NUDCD1: variants seen among roughly 807,000 people sequenced by gnomAD.
NUDCD1 encodes the protein NudC domain containing 1.
Under a neutral mutation model 67.8 loss-of-function variants are expected in NUDCD1, and 60 were observed. The observed-to-expected ratio is 0.88, with a 90% confidence interval of 0.72 to 1.10. NUDCD1 has a LOEUF of 1.10. Ranked by LOEUF, NUDCD1 falls within the 50% of genes least tolerant of loss-of-function variation. The pLI, the probability that NUDCD1 is intolerant of heterozygous loss-of-function variation, is 0.00. For missense variants in NUDCD1, 643 were observed against 695.0 expected (o/e 0.93, Z 0.84); for synonymous variants, 244 against 230.8 (o/e 1.06, Z -0.52).
intron 2 of NUDCD1, among the ~76,000 whole-genome samples, chr8:109,304,914 C>A (rs1313203965): frequency 6.6e-6 from 1 of 152,202 alleles, no homozygotes; most frequent in Non-Finnish European, 1.5e-5. Context: ...CCACACAAGA[C>A]AAATGGTTCT....
chr8:109,245,594 T>C (rs1034107029), intron 8 of NUDCD1, 113 bp from the exon 9 acceptor site: 13 of 718,910 alleles, frequency 1.8e-5, no homozygotes, highest in African/African-American at 1.4e-4. Flanking sequence ...TTATACTTTT[T>C]ATATACTTAA....
At chr8:109,281,466 CCT>C (rs1201532923) in intron 5 of NUDCD1, among the ~76,000 whole-genome samples, 2 of 152,018 alleles carry the variant, frequency 1.3e-5, no homozygotes, top group Non-Finnish European at 2.9e-5. Context: ...TCCCTTCCTC[CCT>C]CTTTCACTCC....
Position 109,331,329 on chromosome 8 carries a change from C to CA in NUDCD1, c.118+2563dup, listed in dbSNP as rs1172389380. ...AGCCTCAACGACAGAGACTCCGTCT[C>CA]AAAAAACAAAACAAAAACAAAAAGA... On this transcript the variant is annotated intron_variant, in intron 1 of 9. Transcript: ENST00000239690. 3.3e-5 allele frequency among the ~76,000 whole-genome samples: 5 copies of CA among 151,542 alleles called. 1 individual carries two copies. The highest frequency in any genetic ancestry group is 2.6e-4 in the Admixed American group (4 of 15,244).
chr8:109,241,952 G>A lies in NUDCD1; in HGVS notation c.*1057C>T, dbSNP rs1447935288. On this transcript the variant is annotated 3_prime_UTR_variant, in exon 10 of 10. Transcript: ENST00000239690. ...ATACATACTAAAACAAACCTGGAAA[G>A]GTAAGTTTGAAAAAACAAAATTTGT... is the stretch of plus-strand genomic sequence containing the variant. 2.5e-6 allele frequency: 1 copy of A among 396,062 alleles called. No individual in the cohort carries two copies. Among genetic ancestry groups the A allele is most frequent in the African/African-American group, 2.1e-5 (1 of 48,454 alleles). 24.5% of individuals were successfully genotyped at this position (396,062 alleles called of 1,614,324 possible).
In NUDCD1 at chr8:109,293,468, C is replaced by A; in HGVS notation, c.516G>T (p.Leu172=). ...CTATAGAATGTTCTTCAGCATTTAG[C>A]AGTGAGATACTGTGAATTATAATAA... ...DPFIIIHSIS[L]LNAEEHSIAT... Residue 172 remains leucine (L), a synonymous_variant, in exon 4 of 10, where the codon CTG becomes CTT. Transcript: ENST00000239690. The A allele has an allele frequency of 6.3e-7, 1 of 1,584,300 alleles. No individual in the cohort carries two copies. Among genetic ancestry groups the A allele is most frequent in the Admixed American group, 1.8e-5 (1 of 54,926 alleles).
chr8:109,270,075 G>GCT (rs1814104357), intron 8 of NUDCD1, among the ~76,000 whole-genome samples: 3 of 84,164 alleles, frequency 3.6e-5, no homozygotes, highest in Non-Finnish European at 5.1e-5. Flanking sequence ...GGCGGGGGGG[G>GCT]GGGGGGGTGC....
intron 8 of NUDCD1, among the ~76,000 whole-genome samples, chr8:109,247,710 T>C (rs1001112566): frequency 2.6e-5 from 4 of 152,194 alleles, no homozygotes; most frequent in Admixed American, 1.3e-4. Context: ...TTCCCACTTA[T>C]CCTCTAAGAC....
At chr8:109,263,072 A>AAAAAG (rs1813907973) in intron 8 of NUDCD1, among the ~76,000 whole-genome samples, 2 of 150,188 alleles carry the variant, frequency 1.3e-5, no homozygotes, top group African/African-American at 4.9e-5. Context: ...AAAAAAAAAA[A>AAAAAG]AAAAAAACCC....
chr8:109,281,626 G>A (rs2129987045), intron 5 of NUDCD1, among the ~76,000 whole-genome samples: 1 of 152,318 alleles, frequency 6.6e-6, no homozygotes, highest in Non-Finnish European at 1.5e-5. Flanking sequence ...ATGGGAGGAT[G>A]TGCAAAATCA....
intron 8 of NUDCD1, among the ~76,000 whole-genome samples, chr8:109,256,716 C>T (rs1008253066): frequency 3.3e-5 from 5 of 151,836 alleles, no homozygotes; most frequent in Admixed American, 1.3e-4. Context: ...AAATATCGCA[C>T]CACAAGAAAA....
At chr8:109,248,558 A>T (rs1040914809) in intron 8 of NUDCD1, among the ~76,000 whole-genome samples, 3 of 152,164 alleles carry the variant, frequency 2.0e-5, no homozygotes, top group African/African-American at 7.2e-5. Context: ...AAGATTCTGT[A>T]AGGCAAAAAT....
At chr8:109,283,514 GA>G (rs1814504307) in intron 5 of NUDCD1, among the ~76,000 whole-genome samples, 2 of 152,144 alleles carry the variant, frequency 1.3e-5, no homozygotes, top group South Asian at 4.2e-4. Flanking sequence ...CAACACTAAA[GA>G]AAAAACCTTA....
intron 8 of NUDCD1, among the ~76,000 whole-genome samples, chr8:109,263,700 T>C (rs190800543): frequency 5.9e-5 from 9 of 152,260 alleles, no homozygotes; most frequent in African/African-American, 1.4e-4. Context: ...AAGTATGATA[T>C]GCAGAACCCT....
rs752182072 is a variant in NUDCD1 at position 109,243,129 on chromosome 8, C to T, written c.1632G>A (p.Lys544=). ...TGGTTTCTAGGCTTGCTACTTGCTG[C>T]TTAGCAACCTGTCCTACTTGCCTGC... ...KEGRQVGQVA[K]QQVASLETND... is the part of the protein sequence containing the mutation. The change falls in exon 10 of 10, where the codon AAG becomes AAA. Residue 544 remains lysine, a synonymous_variant. Transcript: ENST00000239690. 4.3e-6 allele frequency: 7 copies of T among 1,613,770 alleles called. No homozygotes were observed. Among genetic ancestry groups the T allele is most frequent in the Non-Finnish European group, 5.9e-6 (7 of 1,179,844 alleles).
intron 8 of NUDCD1, among the ~76,000 whole-genome samples, chr8:109,248,558 A>G (rs1040914809): frequency 6.6e-6 from 1 of 152,164 alleles, no homozygotes; most frequent in Non-Finnish European, 1.5e-5. Context: ...AAGATTCTGT[A>G]AGGCAAAAAT....
intron 5 of NUDCD1, among the ~76,000 whole-genome samples, chr8:109,282,903 G>C (rs569569184): frequency 1.2e-4 from 18 of 149,854 alleles, no homozygotes; most frequent in South Asian, 4.2e-4. Context: ...TGAATGTAGT[G>C]ACATGACAAA....
intron 1 of NUDCD1, among the ~76,000 whole-genome samples, chr8:109,325,369 C>T (rs779091690): frequency 3.3e-5 from 5 of 152,090 alleles, no homozygotes; most frequent in Non-Finnish European, 4.4e-5. Context: ...ATGTTCCCAA[C>T]ACAAAGAAAT....
chr8:109,254,387 G>A (rs1300707590), intron 8 of NUDCD1, among the ~76,000 whole-genome samples: 1 of 152,114 alleles, frequency 6.6e-6, no homozygotes, highest in African/African-American at 2.4e-5. Context: ...TTCCAAGGGG[G>A]AAAAGAAGGC....
chr8:109,330,549 T>C (rs1355133587), intron 1 of NUDCD1, among the ~76,000 whole-genome samples: 1 of 152,226 alleles, frequency 6.6e-6, no homozygotes, highest in African/African-American at 2.4e-5. Context: ...ACTCATCATG[T>C]GAACTATTGC....
Sources: gnomAD v4.1 joint callset for allele counts (sites outside exome capture counted in the v4.1 genomes callset) on GRCh38, gnomAD v4.1.1 for gene constraint, MANE v1.5 for transcripts, NCBI Gene and HGNC (gene_info 2026-07-23, HGNC 2026-07-21) for gene names.